Variants in CAMSAP3 observed in about 807,000 individuals in gnomAD.
The protein encoded by CAMSAP3 is calmodulin-regulated spectrin-associated protein 3.
A neutral mutation model predicts 112.5 loss-of-function variants in CAMSAP3; 34 were observed. The ratio of observed to expected loss-of-function variants is 0.30; its 90% confidence interval spans 0.23 to 0.40. The LOEUF (loss-of-function observed/expected upper bound fraction) is 0.40, where lower values mean the gene tolerates loss of function less well. CAMSAP3 is among the 10% of genes least tolerant of loss of function. CAMSAP3 has a pLI of 1.00. For synonymous variants in CAMSAP3, 868 were observed against 799.8 expected, an observed-to-expected ratio of 1.09 and a Z score of -1.44; for missense variants, 1,602 against 1,770.3, an observed-to-expected ratio of 0.90 and a Z score of 1.71.
chr19:7,596,085 A>G lies in CAMSAP3; in HGVS notation c.83A>G (p.Asp28Gly). The G allele has an allele frequency of 7.9e-7, 1 of 1,260,606 alleles. No individual in the cohort carries two copies. Among genetic ancestry groups the G allele is most frequent in the South Asian group, 1.5e-5 (1 of 68,816 alleles). The allele number at this position is 1,260,606 out of a possible 1,614,324, so 78.1% of individuals were successfully genotyped here. Reference protein sequence around the residue: ...VPEIKSLDQYDFSRAKAAASL... With the variant: ...VPEIKSLDQYGFSRAKAAASL... ...GAGATCAAGTCGCTGGACCAGTACGATTTCTCGCGGGCCAAGGCGGCGGCC... is the reference window on the plus strand; with the variant it reads ...GAGATCAAGTCGCTGGACCAGTACGGTTTCTCGCGGGCCAAGGCGGCGGCC... Residue 28 changes from aspartate to glycine, a missense_variant, in exon 1 of 17, where the codon GAT (aspartate) becomes GGT (glycine). This residue lies in a region of CAMSAP3 where 147 missense variants were observed against 144.6 expected (regional missense o/e 1.02). Transcript: ENST00000160298.
At position 7,607,936 on chromosome 19, in the gene CAMSAP3, T is replaced by C. The variant is rs2030300667; in HGVS notation, c.622-190T>C. ...CAGCCCCCGCTGCTGGCCTGGCTGC[T>C]CGAAGACATCTCCTCTGCCTCTTGC... is the stretch of plus-strand genomic sequence containing the variant. On this transcript the variant is annotated intron_variant, in intron 4 of 16. Coordinates refer to ENST00000160298, the MANE Select transcript of CAMSAP3 (RefSeq NM_020902.2). This position sits in a 1 kb window ranked among gnomAD's most constrained non-coding sequence, Gnocchi z 4.9. 2.4e-6 allele frequency: 2 copies of C among 835,676 alleles called. No individual in the cohort carries two copies. The highest frequency in any genetic ancestry group is 2.0e-6 in the Non-Finnish European group (1 of 498,856). The allele number at this position is 835,676 out of a possible 1,614,324, so 51.8% of individuals were successfully genotyped here. A position where few individuals can be genotyped will look rare whatever the true frequency, so the allele number is the denominator to read the frequency against.
In CAMSAP3 at chr19:7,596,000, G is replaced by T; in HGVS notation, c.-3G>T. The T allele has an allele frequency of 9.1e-7, 1 of 1,099,016 alleles. No homozygotes were observed. Among genetic ancestry groups the T allele is most frequent in the African/African-American group, 1.7e-5 (1 of 57,682 alleles). The allele number at this position is 1,099,016 out of a possible 1,614,324, so 68.1% of individuals were successfully genotyped here. The stretch of plus-strand genomic sequence containing the variant: ...ACCCGGCGCCCGCAGCCCCGGCGCC[G>T]CCATGGTGGAGGCGGCGCCCCCCGG... On this transcript the variant is annotated 5_prime_UTR_variant, in exon 1 of 17. Coordinates refer to ENST00000160298, the MANE Select transcript of CAMSAP3 (RefSeq NM_020902.2).
Position 7,610,573 on chromosome 19 carries a change from C to T in CAMSAP3, c.858C>T (p.Pro286=), listed in dbSNP as rs764245949. Reference sequence around the variant, plus strand: ...CCTCTCGCCTTCCTCGTGGCTGCCCCCTGTCCCTTGAGGACTTGCTGTACG... The same window carrying T: ...CCTCTCGCCTTCCTCGTGGCTGCCCTCTGTCCCTTGAGGACTTGCTGTACG... The part of the protein sequence containing the change: ...FCASRLPRGC[P]LSLEDLLYVP... The change falls in exon 6 of 17, where the codon CCC becomes CCT. Residue 286 remains proline, a synonymous_variant. Coordinates refer to ENST00000160298, the MANE Select transcript of CAMSAP3 (RefSeq NM_020902.2). This position sits in a 1 kb window ranked among gnomAD's most constrained non-coding sequence, Gnocchi z 4.9. 6.2e-7 allele frequency: 1 copy of T among 1,613,624 alleles called. No homozygotes were observed. Among genetic ancestry groups the T allele is most frequent in the Non-Finnish European group, 8.5e-7 (1 of 1,180,006 alleles).
At chr19:7,614,259 C>CAAAAAAAAAAAAAAAAAAAAA (rs1173068955) in intron 11 of CAMSAP3, among the ~76,000 whole-genome samples, 3 of 18,766 alleles carry the variant, frequency 1.6e-4, no homozygotes, top group African/African-American at 5.2e-4. Context: ...GACTCCATCT[C>CAAAAAAAAAAAAAAAAAAAAA]AAAAAAAAAA....
At chr19:7,605,077 C>T (rs1420008848) in intron 1 of CAMSAP3, 149 bp from the exon 2 acceptor site, 2 of 590,334 alleles carry the variant, frequency 3.4e-6, no homozygotes, top group African/African-American at 1.9e-5. Context: ...GCACTCTCAG[C>T]CCAGATCCCC....
In CAMSAP3 at chr19:7,612,284, C is replaced by T; in HGVS notation, c.1791C>T (p.Ser597=). The T allele has an allele frequency of 6.2e-7, 1 of 1,601,036 alleles. No individual in the cohort carries two copies. Among genetic ancestry groups the T allele is most frequent in the East Asian group, 2.3e-5 (1 of 44,244 alleles). The change falls in exon 11 of 17, where the codon AGC becomes AGT. Residue 597 remains serine (S), a synonymous_variant. Transcript: ENST00000160298. ...TSTPAPPEAL[S]SEMSELSARL... ...CTCCGGCCCCGCCGGAGGCCCTGAGCTCGGAGATGAGTGAGCTCAGCGCCC... is the reference window on the plus strand; with the variant it reads ...CTCCGGCCCCGCCGGAGGCCCTGAGTTCGGAGATGAGTGAGCTCAGCGCCC...
At chr19:7,602,727 G>C (rs562277618) in intron 1 of CAMSAP3, among the ~76,000 whole-genome samples, 3 of 151,726 alleles carry the variant, frequency 2.0e-5, no homozygotes, top group African/African-American at 7.3e-5. Flanking sequence ...AAGCCGTCAC[G>C]GGGTAGGGTG....
intron 5 of CAMSAP3, among the ~76,000 whole-genome samples, chr19:7,609,396 A>G (rs1169802358): frequency 6.6e-6 from 1 of 151,702 alleles, no homozygotes; most frequent in African/African-American, 2.4e-5. Flanking sequence ...CCCTGGGCTC[A>G]AACATCCTCC....
intron 13 of CAMSAP3, among the ~76,000 whole-genome samples, chr19:7,616,054 T>C (rs2030771696): frequency 6.8e-6 from 1 of 146,714 alleles, no homozygotes; most frequent in Non-Finnish European, 1.5e-5. Context: ...GCCGGGCATA[T>C]GGCATGCCTG....
In CAMSAP3 at chr19:7,616,582, G is replaced by A. The variant is rs781737928; in HGVS notation, c.3172G>A (p.Glu1058Lys). 4.3e-6 allele frequency: 7 copies of A among 1,612,160 alleles called. No individual in the cohort carries two copies. The highest frequency in any genetic ancestry group is 3.3e-5 in the Admixed American group (2 of 59,996). ...STLSLSTVAN[E>K]AHNNLGVKRP... ...CCTGTCACTGTCCACTGTGGCCAAC[G>A]AGGCCCACAATAACCTCGGGGTGAA... The change falls in exon 14 of 17, where the codon GAG becomes AAG. Residue 1058 changes from glutamate to lysine, a missense_variant. This residue lies in a region of CAMSAP3 where 1,100 missense variants were observed against 1,135.7 expected (regional missense o/e 0.97). Transcript: ENST00000160298.
At position 7,607,641 on chromosome 19, in the gene CAMSAP3, G is replaced by A. The variant is rs1402043072; in HGVS notation, c.622-485G>A. On this transcript the variant is annotated intron_variant, in intron 4 of 16. Transcript: ENST00000160298. This position sits in a 1 kb window ranked among gnomAD's most constrained non-coding sequence, Gnocchi z 4.9. ...CCGCATAAGAGGGGGTTCCTACTCTGTGGGGTCCCTTGGGGCTGGGAGGAG... is the reference window on the plus strand; with the variant it reads ...CCGCATAAGAGGGGGTTCCTACTCTATGGGGTCCCTTGGGGCTGGGAGGAG... 1.3e-5 allele frequency among the ~76,000 whole-genome samples: 2 copies of A among 152,116 alleles called. No individual in the cohort carries two copies. Among genetic ancestry groups the A allele is most frequent in the African/African-American group, 4.8e-5 (2 of 41,418 alleles).
At position 7,610,536 on chromosome 19, in the gene CAMSAP3, A is replaced by G; in HGVS notation, c.821A>G (p.Gln274Arg). 1 of 1,613,790 alleles carries G rather than the reference A, an allele frequency of 6.2e-7. No homozygotes were observed. Among genetic ancestry groups the G allele is most frequent in the East Asian group, 2.2e-5 (1 of 44,860 alleles). ...ADSLYNLQLV[Q>R]DFCASRLPRG... Reference sequence around the variant, plus strand: ...AGCCTGTACAACCTCCAGCTCGTGCAGGATTTCTGTGCCTCTCGCCTTCCT... The same window carrying G: ...AGCCTGTACAACCTCCAGCTCGTGCGGGATTTCTGTGCCTCTCGCCTTCCT... Residue 274 changes from glutamine (Q) to arginine (R), a missense_variant, in exon 6 of 17, where the codon CAG becomes CGG. This residue lies in a region of CAMSAP3 where 58 missense variants were observed against 108.4 expected (regional missense o/e 0.54). Transcript: ENST00000160298. The surrounding 1 kb of genome is among the most constrained non-coding windows in gnomAD (Gnocchi z 4.9).
chr19:7,614,259 C>CAAAAAAAAAAAAAA lies in CAMSAP3; in HGVS notation c.2671-913_2671-900dup, dbSNP rs1173068955. On this transcript the variant is annotated intron_variant, in intron 11 of 16. Transcript: ENST00000160298. ...TGGGCAACAGAGCGAGACTCCATCT[C>CAAAAAAAAAAAAAA]AAAAAAAAAAAAAAAAAAAAAAAAG... Among the ~76,000 whole-genome samples the CAAAAAAAAAAAAAA allele has an allele frequency of 6.4e-4, 12 of 18,766 alleles. 1 individual carries two copies. The highest frequency in any genetic ancestry group is 8.8e-4 in the Non-Finnish European group (10 of 11,342). The allele number at this position is 18,766 out of a possible 152,430, so 12.3% of individuals were successfully genotyped here. A position where few individuals can be genotyped will look rare whatever the true frequency, so the allele number is the denominator to read the frequency against.
intron 5 of CAMSAP3, 117 bp downstream of exon 5, chr19:7,608,381 G>A: frequency 7.9e-7 from 1 of 1,263,568 alleles, no homozygotes; most frequent in East Asian, 2.4e-5. Context: ...TGGTCATGAG[G>A]GCAGCTTCCG....
chr19:7,603,922 G>A (rs144990503), intron 1 of CAMSAP3, among the ~76,000 whole-genome samples: 1,785 of 152,244 alleles, frequency 0.012, 32 homozygotes, highest in African/African-American at 0.041. Context: ...ATCGCTTGAG[G>A]TCAGGAGTTC....
rs756534825 is a variant in CAMSAP3, at chr19:7,612,566, G to C, written c.2073G>C (p.Val691=). Residue 691 remains valine, a synonymous_variant, in exon 11 of 17, where the codon GTG becomes GTC. Transcript: ENST00000160298. ...AVTFSPDLGP[V]PHEGLGEYNR... is the part of the protein sequence containing the mutation. ...CCTTCTCGCCAGACCTGGGCCCGGT[G>C]CCCCACGAGGGGCTGGGGGAATACA... 19 of 1,534,858 alleles carry C rather than the reference G, an allele frequency of 1.2e-5. No individual in the cohort carries two copies. Among genetic ancestry groups the C allele is most frequent in the Non-Finnish European group, 1.7e-5 (19 of 1,145,434 alleles).
chr19:7,606,866 C>G, intron 4 of CAMSAP3: 1 of 1,582,560 alleles, frequency 6.3e-7, no homozygotes, highest in Non-Finnish European at 8.7e-7. Context: ...CTCTGTCTGT[C>G]TGTATGTCTG....
In CAMSAP3 at chr19:7,615,695, CGAA is replaced by C; in HGVS notation, c.3090_3092del (p.Ser1031del). ...TTGCTGTGACGACTCAGCCCTGGCA[CGAA>C]GCCCAGCCCGCGGCCTGCTGGGTGA... On this transcript the variant is annotated inframe_deletion, in exon 13 of 17. Transcript: ENST00000160298. This position sits in a 1 kb window ranked among gnomAD's most constrained non-coding sequence, Gnocchi z 6.5. 7.1e-7 allele frequency: 1 copy of C among 1,411,966 alleles called. No homozygotes were observed. Among genetic ancestry groups the C allele is most frequent in the South Asian group, 1.5e-5 (1 of 65,478 alleles). The allele number at this position is 1,411,966 out of a possible 1,614,324, so 87.5% of individuals were successfully genotyped here.
chr19:7,614,992 G>A, intron 11 of CAMSAP3, 191 bp from the exon 12 acceptor site: 1 of 669,050 alleles, frequency 1.5e-6, no homozygotes, highest in Non-Finnish European at 2.6e-6. Flanking sequence ...GGCACCCAGT[G>A]TATCCCATCC....
Sources: allele counts gnomAD v4.1 joint callset (sites outside exome capture counted in the v4.1 genomes callset), GRCh38; gene constraint gnomAD v4.1.1; regional missense constraint gnomAD v4.1.1; non-coding constraint Gnocchi (gnomAD v3.1); transcripts MANE v1.5; gene names NCBI Gene and HGNC (gene_info 2026-07-23, HGNC 2026-07-21).